Variants in SATL1 observed in about 807,000 individuals in gnomAD.
SATL1 encodes the protein spermidine/spermine N(1)-acetyltransferase-like protein 1.
SATL1 carries 47 observed loss-of-function variants against 51.8 expected under a neutral mutation model. The ratio of observed to expected loss-of-function variants is 0.91; its 90% CI spans 0.72 to 1.16. The LOEUF (loss-of-function observed/expected upper bound fraction) is 1.16. SATL1 is among the 50% of genes most tolerant of loss of function. The pLI is 0.00. For synonymous variants in SATL1, 176 were observed against 182.4 expected (o/e 0.97, Z 0.28); for missense variants, 520 against 526.4 (o/e 0.99, Z 0.12).
In SATL1 at chrX:85,149,104, T is replaced by G. The variant is rs766930103; in HGVS notation, c.-312-39824A>C. On this transcript the variant is annotated intron_variant, in intron 2 of 7. Coordinates refer to ENST00000644105, the MANE Select transcript of SATL1 (RefSeq NM_001367857.2). ...TGCAGAGACACACATAGGCTCAAAA[T>G]AAAAGGATGGAGGAGGATCTACCAA... Among the ~76,000 whole-genome samples the G allele has an allele frequency of 3.4e-3, 378 of 110,731 alleles. 2 individuals are homozygous for G. Among genetic ancestry groups the G allele is most frequent in the African/African-American group, 0.012 (365 of 30,386 alleles).
intron 2 of SATL1, among the ~76,000 whole-genome samples, chrX:85,161,459 G>GA (rs1395210545): frequency 1.0e-5 from 1 of 96,321 alleles, no homozygotes; most frequent in African/African-American, 3.9e-5. Context: ...TAAAGCAATG[G>GA]AAAAAATCTG....
At chrX:85,173,698 T>C (rs1206812559) in intron 2 of SATL1, among the ~76,000 whole-genome samples, 2 of 110,748 alleles carry the variant, frequency 1.8e-5, no homozygotes, top group African/African-American at 6.5e-5. Flanking sequence ...AATTGTAAGG[T>C]TTTAAGTGTA....
intron 2 of SATL1, among the ~76,000 whole-genome samples, chrX:85,127,725 C>T (rs1441178864): frequency 9.0e-6 from 1 of 110,861 alleles, no homozygotes; most frequent in East Asian, 2.8e-4. Context: ...ATACATGTGC[C>T]ATGTTGGTGT....
intron 2 of SATL1, among the ~76,000 whole-genome samples, chrX:85,154,913 G>A (rs1160877274): frequency 9.0e-6 from 1 of 111,649 alleles, no homozygotes; most frequent in Non-Finnish European, 1.9e-5. Context: ...ATTCCCCAGT[G>A]ACAAGATAAT....
Position 85,117,334 on chromosome X carries a change from G to A in SATL1, c.-312-8054C>T, listed in dbSNP as rs1444245405. ...CCCTCAGTCAAATTATTTCTTCTGA[G>A]GAGGCAAGAATTGAGGTTGTTGCAG... On this transcript the variant is annotated intron_variant, in intron 2 of 7. Transcript: ENST00000644105. The A allele has an allele frequency of 6.3e-5, 7 of 111,322 alleles. No individual in the cohort carries two copies. In the Admixed American group the frequency reaches 6.7e-4, roughly 11 times the overall value. The allele number at this position is 111,322 out of a possible 1,213,427, so 9.2% of individuals were successfully genotyped here. A position where few individuals can be genotyped will look rare whatever the true frequency, so the allele number is the denominator to read the frequency against.
chrX:85,185,817 C>T (rs537596307), intron 2 of SATL1, among the ~76,000 whole-genome samples: 2 of 110,596 alleles, frequency 1.8e-5, no homozygotes, highest in African/African-American at 6.6e-5. Flanking sequence ...TGGTGCTCTA[C>T]CCCCCTGTGG....
At chrX:85,143,142 A>G (rs1926148991) in intron 2 of SATL1, 1 of 112,166 alleles carries the variant, frequency 8.9e-6, no homozygotes, top group African/African-American at 3.2e-5. Flanking sequence ...AGATGAACAA[A>G]TAGTTCTTGG....
At chrX:85,100,789 T>C (rs1045851191) in intron 4 of SATL1, among the ~76,000 whole-genome samples, 1 of 111,680 alleles carries the variant, frequency 9.0e-6, no homozygotes, top group Admixed American at 9.5e-5. Flanking sequence ...GACTCACACT[T>C]CCTGACTTTG....
chrX:85,158,504 T>A (rs956756283), intron 2 of SATL1, among the ~76,000 whole-genome samples: 1 of 112,213 alleles, frequency 8.9e-6, no homozygotes, highest in African/African-American at 3.2e-5. Context: ...GTTCTCATCA[T>A]AAATACCTTT....
intron 2 of SATL1, among the ~76,000 whole-genome samples, chrX:85,158,543 C>A (rs1206438849): frequency 2.7e-5 from 3 of 111,911 alleles, no homozygotes; most frequent in African/African-American, 9.7e-5. Flanking sequence ...TAAAACAAAG[C>A]TTTTATAGTT....
At chrX:85,182,849 A>AT (rs1179840721) in intron 2 of SATL1, among the ~76,000 whole-genome samples, 1 of 111,439 alleles carries the variant, frequency 9.0e-6, no homozygotes, top group African/African-American at 3.3e-5. Flanking sequence ...GATGTTGAGC[A>AT]TTTTTTCATG....
chrX:85,223,331 G>A (rs1268171336), intron 2 of SATL1, among the ~76,000 whole-genome samples: 5 of 111,268 alleles, frequency 4.5e-5, no homozygotes, highest in African/African-American at 1.3e-4. Flanking sequence ...GCCTGGCTGC[G>A]AATTTCATTA....
chrX:85,150,158 A>C (rs1926385312), intron 2 of SATL1, among the ~76,000 whole-genome samples: 2 of 111,847 alleles, frequency 1.8e-5, no homozygotes, highest in African/African-American at 6.5e-5. Context: ...CCAGAAATAC[A>C]AACTACCATC....
At chrX:85,173,875 A>G (rs776352304) in intron 2 of SATL1, among the ~76,000 whole-genome samples, 6 of 107,426 alleles carry the variant, frequency 5.6e-5, no homozygotes, top group Non-Finnish European at 7.7e-5. Context: ...TCCACCCATT[A>G]ACTCGTCATT....
intron 2 of SATL1, among the ~76,000 whole-genome samples, chrX:85,134,630 G>T (rs980268367): frequency 4.5e-5 from 5 of 111,988 alleles, no homozygotes; most frequent in Admixed American, 9.5e-5. Context: ...ATCAAGTAAA[G>T]CTTCCTGGAA....
At chrX:85,202,657 C>T (rs1054410529) in intron 2 of SATL1, among the ~76,000 whole-genome samples, 4 of 111,945 alleles carry the variant, frequency 3.6e-5, no homozygotes, top group East Asian at 2.8e-4. Flanking sequence ...CAATCCATAG[C>T]GATGCAGGTC....
At chrX:85,150,657 C>G (rs1418119792) in intron 2 of SATL1, among the ~76,000 whole-genome samples, 1 of 111,593 alleles carries the variant, frequency 9.0e-6, no homozygotes, top group Non-Finnish European at 1.9e-5. Flanking sequence ...AAGGCTGGTT[C>G]AACATATGAA....
At chrX:85,137,840 T>C (rs983348389) in intron 2 of SATL1, among the ~76,000 whole-genome samples, 5 of 111,664 alleles carry the variant, frequency 4.5e-5, no homozygotes, top group Non-Finnish European at 9.4e-5. Flanking sequence ...TATTCTACTT[T>C]TTTAATTCTT....
chrX:85,210,215 A>G (rs1927884211), intron 2 of SATL1: 1 of 107,368 alleles, frequency 9.3e-6, no homozygotes, highest in African/African-American at 3.4e-5. Flanking sequence ...AGCCACTACC[A>G]TCGCCACTCT....
Sources: allele counts gnomAD v4.1 joint callset (sites outside exome capture counted in the v4.1 genomes callset), GRCh38; gene constraint gnomAD v4.1.1; transcripts MANE v1.5; gene names NCBI Gene and HGNC (gene_info 2026-07-23, HGNC 2026-07-21).